Variants in MITF observed in about 807,000 individuals in gnomAD.
MITF encodes melanocyte inducing transcription factor, also known as microphthalmia-associated transcription factor.
MITF carries 17 observed loss-of-function variants against 60.5 expected under a neutral mutation model. That is an observed-to-expected ratio of 0.28 (90% CI 0.19 to 0.42). The LOEUF is 0.42. Among genes scored for constraint, MITF ranks in the 10% least tolerant of loss-of-function variants. The pLI is 1.00. For synonymous variants in MITF, 260 were observed against 248.5 expected, an observed-to-expected ratio of 1.05 and a Z score of -0.43; for missense variants, 622 against 683.5, an observed-to-expected ratio of 0.91 and a Z score of 1.00.
At chr3:69,869,264 C>G (rs1190011862) in intron 1 of MITF, among the ~76,000 whole-genome samples, 2 of 152,142 alleles carry the variant, frequency 1.3e-5, no homozygotes, top group East Asian at 3.8e-4. Flanking sequence ...CCTCCTGGAG[C>G]AGATTGGACC....
chr3:69,796,490 C>CTTTATTTTTTT (rs1396507731), intron 1 of MITF, among the ~76,000 whole-genome samples: 1 of 111,460 alleles, frequency 9.0e-6, no homozygotes, highest in Non-Finnish European at 2.0e-5. Context: ...CAAACACCGT[C>CTTTATTTTTTT]TTTCTTTTTT....
intron 1 of MITF, among the ~76,000 whole-genome samples, chr3:69,823,459 A>G: frequency 6.6e-6 from 1 of 152,022 alleles, no homozygotes. Context: ...AGAGCCAAAG[A>G]AGCTCTCTGG....
chr3:69,838,221 A>G lies in MITF; in HGVS notation c.105-40913A>G, dbSNP rs192722849. Reference sequence around the variant, plus strand: ...TTGTCAAGTAGGCTATGCGTTTCACATTAGTTCAACATTACAACTGATAAA... The same window carrying G: ...TTGTCAAGTAGGCTATGCGTTTCACGTTAGTTCAACATTACAACTGATAAA... On this transcript the variant is annotated intron_variant, in intron 1 of 9. Transcript: ENST00000352241. Among the ~76,000 whole-genome samples the G allele has an allele frequency of 5.3e-4, 80 of 152,328 alleles. 1 individual carries two copies. Among genetic ancestry groups the G allele is most frequent in the Admixed American group, 3.2e-3 (49 of 15,294 alleles).
intron 1 of MITF, among the ~76,000 whole-genome samples, chr3:69,781,346 A>G (rs1224099897): frequency 2.0e-5 from 3 of 152,178 alleles, no homozygotes; most frequent in African/African-American, 7.2e-5. Flanking sequence ...CCAAATGTTT[A>G]TTAGCCTGAA....
chr3:69,812,694 C>G (rs2063119642), intron 1 of MITF, among the ~76,000 whole-genome samples: 1 of 152,070 alleles, frequency 6.6e-6, no homozygotes, highest in Non-Finnish European at 1.5e-5. Flanking sequence ...TGACATAGTT[C>G]TTTGTGTTAT....
intron 1 of MITF, chr3:69,866,177 T>A (rs886849579): frequency 1.3e-6 from 2 of 1,550,788 alleles, no homozygotes; most frequent in East Asian, 2.3e-5. Context: ...TGTGTTTGGA[T>A]TGGAGTTTCC....
Position 69,869,418 on chromosome 3 carries a change from T to C in MITF, c.105-9716T>C, listed in dbSNP as rs535341545. Among the ~76,000 whole-genome samples, 10 of 152,238 alleles carry C rather than the reference T, an allele frequency of 6.6e-5. No individual in the cohort carries two copies. The East Asian group carries it at 1.9e-3, about 29-fold the overall frequency. On this transcript the variant is annotated intron_variant, in intron 1 of 9. Coordinates refer to ENST00000352241, the MANE Select transcript of MITF (RefSeq NM_001354604.2). ...CAGAAGGTTTAGAGAAGGGGATCAT[T>C]TGAAGGAGATTTTCTGTAGCTGATT...
chr3:69,799,886 A>G (rs544537601), intron 1 of MITF, among the ~76,000 whole-genome samples: 9 of 152,178 alleles, frequency 5.9e-5, no homozygotes, highest in Non-Finnish European at 1.3e-4. Context: ...GGGGTGAGGA[A>G]CTAAATAGAC....
chr3:69,902,247 TATC>T (rs1226291838), intron 2 of MITF, among the ~76,000 whole-genome samples: 1 of 152,140 alleles, frequency 6.6e-6, no homozygotes, highest in Non-Finnish European at 1.5e-5. Context: ...GAATAATCCT[TATC>T]ATCTCTTTTG....
At chr3:69,860,251 T>C (rs1415351151) in intron 1 of MITF, among the ~76,000 whole-genome samples, 2 of 152,198 alleles carry the variant, frequency 1.3e-5, no homozygotes, top group African/African-American at 4.8e-5. Context: ...ATCCGTGGTA[T>C]TGATTATTAT....
Position 69,959,417 on chromosome 3 carries a change from A to G in MITF, c.1176A>G (p.Ile392Met), listed in dbSNP as rs748155126. 3.1e-6 allele frequency: 5 copies of G among 1,613,818 alleles called. No homozygotes were observed. The highest frequency in any genetic ancestry group is 4.2e-6 in the Non-Finnish European group (5 of 1,179,860). The stretch of plus-strand genomic sequence containing the variant: ...CCAACCGGCATTTGTTGCTCAGAAT[A>G]CAGGTACGCAGCCTGAGTTGTGTAA... ...EHANRHLLLR[I>M]QELEMQARAH... Residue 392 changes from isoleucine (I) to methionine (M), a missense_variant, in exon 9 of 10, where the codon ATA (isoleucine) becomes ATG (methionine). This residue lies in a region of MITF where 224 missense variants were observed against 209.5 expected (regional missense o/e 1.07). Coordinates refer to ENST00000352241, the MANE Select transcript of MITF (RefSeq NM_001354604.2).
At chr3:69,749,875 T>C (rs1314056957) in intron 1 of MITF, among the ~76,000 whole-genome samples, 1 of 152,182 alleles carries the variant, frequency 6.6e-6, no homozygotes, top group East Asian at 1.9e-4. Flanking sequence ...ATAATATTTT[T>C]TATCTAGGCA....
intron 1 of MITF, among the ~76,000 whole-genome samples, chr3:69,807,788 A>C (rs1450727838): frequency 2.0e-5 from 3 of 152,166 alleles, no homozygotes. Context: ...ACATGGACAC[A>C]ATGGCAGCTT....
At position 69,829,672 on chromosome 3, in the gene MITF, GCACA is replaced by G. The variant is rs34482357; in HGVS notation, c.105-49440_105-49437del. ...TTTGTGTATATACAAAGGTGTGGAT[GCACA>G]CACACACACACACACACACACCAAC... is the stretch of plus-strand genomic sequence containing the variant. On this transcript the variant is annotated intron_variant, in intron 1 of 9. Coordinates refer to ENST00000352241, the MANE Select transcript of MITF (RefSeq NM_001354604.2). Among the ~76,000 whole-genome samples the G allele has an allele frequency of 3.4e-3, 506 of 150,696 alleles. 2 individuals carry two copies. Among genetic ancestry groups the G allele is most frequent in the African/African-American group, 0.011 (470 of 40,992 alleles).
At chr3:69,873,434 T>C (rs778723234) in intron 1 of MITF, among the ~76,000 whole-genome samples, 9 of 152,190 alleles carry the variant, frequency 5.9e-5, no homozygotes, top group Non-Finnish European at 1.2e-4. Context: ...GTTAAGAATT[T>C]CTTTTTGCTG....
At chr3:69,835,693 T>C (rs1053509077) in intron 1 of MITF, among the ~76,000 whole-genome samples, 2 of 152,200 alleles carry the variant, frequency 1.3e-5, no homozygotes, top group African/African-American at 4.8e-5. Flanking sequence ...CTTCCGCATA[T>C]GAATATCTGA....
At chr3:69,744,055 G>T (rs1703158307) in intron 1 of MITF, among the ~76,000 whole-genome samples, 1 of 152,234 alleles carries the variant, frequency 6.6e-6, no homozygotes. Flanking sequence ...ATGAAAGTGA[G>T]TATTAGCTTT....
At chr3:69,930,777 C>T (rs142279436) in intron 2 of MITF, among the ~76,000 whole-genome samples, 6 of 152,320 alleles carry the variant, frequency 3.9e-5, no homozygotes, top group African/African-American at 9.6e-5. Flanking sequence ...GGGCTCTAGC[C>T]CAGACTTGTG....
chr3:69,812,704 T>A (rs1327280451), intron 1 of MITF, among the ~76,000 whole-genome samples: 2 of 152,236 alleles, frequency 1.3e-5, no homozygotes, highest in African/African-American at 4.8e-5. Flanking sequence ...CTTTGTGTTA[T>A]GAATTCGTGA....
Sources: gnomAD v4.1 joint callset for allele counts (sites outside exome capture counted in the v4.1 genomes callset) on GRCh38, gnomAD v4.1.1 for gene constraint, gnomAD v4.1.1 regional missense constraint, MANE v1.5 for transcripts, NCBI Gene and HGNC (gene_info 2026-07-23, HGNC 2026-07-21) for gene names.